TELO2: variants seen among roughly 807,000 people sequenced by gnomAD.
TELO2 encodes the protein telomere maintenance 2, also known as telomere length regulation protein TEL2 homolog.
Under a neutral mutation model 91.0 loss-of-function variants are expected in TELO2, and 71 were observed. That is an observed-to-expected ratio of 0.78 (90% CI 0.64 to 0.95). TELO2 has a LOEUF of 0.95. Ranked by LOEUF, TELO2 falls within the 40% of genes least tolerant of loss-of-function variation. The pLI, the probability that TELO2 is intolerant of heterozygous loss-of-function variation, is 0.00. For synonymous variants in TELO2, 584 were observed against 518.9 expected, an observed-to-expected ratio of 1.13 and a Z score of -1.71; for missense variants, 1,183 against 1,141.3, an observed-to-expected ratio of 1.04 and a Z score of -0.53.
rs376886978 is a variant in TELO2 at position 1,501,574 on chromosome 16, G to T, written c.1361+75G>T. The T allele has an allele frequency of 1.1e-4, 177 of 1,565,442 alleles. 2 individuals are homozygous for T. The highest frequency in any genetic ancestry group is 9.1e-4 in the East Asian group (40 of 44,184). The stretch of plus-strand genomic sequence containing the variant: ...CTGGATTCCGCTGCCGGGATGGGAG[G>T]GGGGAAACCCTTTCTTTCTGTCCTG... On this transcript the variant is annotated intron_variant, in intron 10 of 20. Transcript: ENST00000262319.
chr16:1,507,271 G>A (rs374453215), intron 18 of TELO2, 35 bp from the exon 19 acceptor site: 23 of 1,601,852 alleles, frequency 1.4e-5, no homozygotes, highest in African/African-American at 9.4e-5. Flanking sequence ...GGACGGCGTC[G>A]GGACCCCACT....
chr16:1,507,886 GTGTGTGTGATGT>G, intron 20 of TELO2, among the ~76,000 whole-genome samples, 170 bp downstream of exon 20: 1 of 94,108 alleles, frequency 1.1e-5, no homozygotes, highest in Admixed American at 1.0e-4. Context: ...GTGTGTGTGT[GTGTGTGTGATGT>G]GTGTCGGCCC....
At chr16:1,496,828 G>A (rs1008551802) in intron 3 of TELO2, among the ~76,000 whole-genome samples, 5 of 152,258 alleles carry the variant, frequency 3.3e-5, no homozygotes, top group Admixed American at 6.5e-5. Context: ...TAAGATGGGT[G>A]AAGGTTTGAA....
chr16:1,504,911 A>C (rs1222401997), intron 15 of TELO2, among the ~76,000 whole-genome samples: 1 of 151,966 alleles, frequency 6.6e-6, no homozygotes, highest in African/African-American at 2.4e-5. Flanking sequence ...ATCACCCCAG[A>C]GGGAAACCCC....
At chr16:1,508,383 A>T (rs1402071688) in intron 20 of TELO2, among the ~76,000 whole-genome samples, 1 of 152,194 alleles carries the variant, frequency 6.6e-6, no homozygotes, top group Admixed American at 6.5e-5. Flanking sequence ...CACCCGCCTC[A>T]GCCTCCCAAA....
intron 15 of TELO2, among the ~76,000 whole-genome samples, chr16:1,504,388 G>C (rs542286191): frequency 4.5e-5 from 6 of 134,492 alleles, no homozygotes; most frequent in Non-Finnish European, 9.4e-5. Flanking sequence ...GAGTCAAGAT[G>C]GCGCCACTGC....
At chr16:1,496,451 T>C (rs1445511278) in intron 3 of TELO2, among the ~76,000 whole-genome samples, 2 of 152,208 alleles carry the variant, frequency 1.3e-5, no homozygotes, top group African/African-American at 4.8e-5. Flanking sequence ...CATGGGCCCA[T>C]GTATTAAGGA....
rs775402011 is a variant in TELO2, at chr16:1,501,762, G to A, written c.1461G>A (p.Ser487=). Residue 487 remains serine, a synonymous_variant, in exon 11 of 21, where the codon TCG becomes TCA. Coordinates refer to ENST00000262319, the MANE Select transcript of TELO2 (RefSeq NM_016111.4). The part of the protein sequence containing the change: ...VPQAQLAGSD[S]DLDSDDEFVP... ...AAGCACAGCTGGCGGGCTCTGACTC[G>A]GACCTGGACAGGTAGGGGCTCTGCC... 1.5e-5 allele frequency: 24 copies of A among 1,608,868 alleles called. No individual in the cohort carries two copies. Among genetic ancestry groups the A allele is most frequent in the Admixed American group, 5.0e-5 (3 of 59,954 alleles).
rs375480231 is a variant in TELO2 at position 1,503,428 on chromosome 16, G to A, written c.1842+426G>A. 3.5e-4 allele frequency among the ~76,000 whole-genome samples: 54 copies of A among 152,282 alleles called. 1 individual carries two copies. The East Asian group carries it at 4.8e-3, about 14-fold the overall frequency. ...TAGCCAAGTGTGGTGGTGGGCGACT[G>A]TGGTCCCAGTTACTCGGGAGGCTGG... On this transcript the variant is annotated intron_variant, in intron 15 of 20. Coordinates refer to ENST00000262319, the MANE Select transcript of TELO2 (RefSeq NM_016111.4).
intron 14 of TELO2, 51 bp from the exon 15 acceptor site, chr16:1,502,880 C>T (rs746728086): frequency 5.9e-5 from 95 of 1,605,790 alleles, no homozygotes; most frequent in Admixed American, 1.0e-4. Context: ...GAGGTCGCCC[C>T]GGGTGGCCCT....
In TELO2 at chr16:1,501,402, C is replaced by T. The variant is rs748927769; in HGVS notation, c.1282-18C>T. On this transcript the variant is annotated intron_variant, in intron 9 of 20. Coordinates refer to ENST00000262319, the MANE Select transcript of TELO2 (RefSeq NM_016111.4). ...CTGCAGCCTGGCGGATGCCGCTGAG[C>T]CTGCTCCCCTGCTGTAGTACGAAGA... 1.2e-5 allele frequency: 19 copies of T among 1,610,880 alleles called. No homozygotes were observed. The highest frequency in any genetic ancestry group is 1.4e-5 in the Non-Finnish European group (17 of 1,179,166).
intron 3 of TELO2, among the ~76,000 whole-genome samples, chr16:1,496,512 C>G (rs910886471): frequency 2.6e-5 from 4 of 152,232 alleles, no homozygotes; most frequent in African/African-American, 9.6e-5. Flanking sequence ...TTCACGTGTT[C>G]GGGGTTGGCT....
At chr16:1,506,716 C>A in intron 17 of TELO2, 1 of 1,388,940 alleles carries the variant, frequency 7.2e-7, no homozygotes, top group Non-Finnish European at 9.3e-7. Flanking sequence ...TGTGCTGCAG[C>A]AGGGGTGGGG....
In TELO2 at chr16:1,497,557, C is replaced by T. The variant is rs1371315196; in HGVS notation, c.830+49C>T. On this transcript the variant is annotated intron_variant, in intron 5 of 20. Coordinates refer to ENST00000262319, the MANE Select transcript of TELO2 (RefSeq NM_016111.4). This position sits in a 1 kb window ranked among gnomAD's most constrained non-coding sequence, Gnocchi z 4.0. The stretch of plus-strand genomic sequence containing the variant: ...GCTGCACTGGCTTCTGGGGTCTGGA[C>T]CCCCAGAGGCTGCCATTCCTTCACG... The T allele has an allele frequency of 2.7e-6, 4 of 1,498,810 alleles. No homozygotes were observed. The highest frequency in any genetic ancestry group is 2.5e-5 in the East Asian group (1 of 40,164). The allele number at this position is 1,498,810 out of a possible 1,614,324, so 92.8% of individuals were successfully genotyped here. A position where few individuals can be genotyped will look rare whatever the true frequency, so the allele number is the denominator to read the frequency against.
Position 1,495,497 on chromosome 16 carries a change from C to A in TELO2, c.487C>A (p.Leu163Met). The change falls in exon 3 of 21, where the codon CTG (leucine) becomes ATG (methionine). Residue 163 changes from leucine to methionine, a missense_variant. Transcript: ENST00000262319. ...GACGCTGCTGGGCAAGGTGGTGGCC[C>A]TGCCCGATCACCTGGGCAACCGCCT... is the stretch of plus-strand genomic sequence containing the variant. Reference protein sequence around the residue: ...RETLLGKVVALPDHLGNRLQQ... With the variant: ...RETLLGKVVAMPDHLGNRLQQ... The A allele has an allele frequency of 6.2e-7, 1 of 1,611,016 alleles. No individual in the cohort carries two copies. The highest frequency in any genetic ancestry group is 8.5e-7 in the Non-Finnish European group (1 of 1,179,784).
intron 6 of TELO2, 48 bp from the exon 7 acceptor site, chr16:1,500,048 C>T (rs756986670): frequency 2.5e-6 from 4 of 1,576,172 alleles, no homozygotes; most frequent in Non-Finnish European, 3.4e-6. Context: ...CCCGGGCTGG[C>T]CAGGCGGCGG....
intron 20 of TELO2, 46 bp downstream of exon 20, chr16:1,507,762 G>T: frequency 7.1e-7 from 1 of 1,410,818 alleles, no homozygotes; most frequent in South Asian, 1.2e-5. Context: ...TGTCGGCCCG[G>T]GGTGTGTGTG....
Position 1,501,467 on chromosome 16 carries a change from C to T in TELO2, c.1329C>T (p.Pro443=). The T allele has an allele frequency of 6.2e-7, 1 of 1,611,782 alleles. No individual in the cohort carries two copies. Among genetic ancestry groups the T allele is most frequent in the Non-Finnish European group, 8.5e-7 (1 of 1,179,320 alleles). The part of the protein sequence containing the change: ...LSLELLALAS[P]QPAGDGASEA... ...TCGAGCTGCTGGCCTTGGCCTCCCC[C>T]CAGCCTGCGGGTGACGGCGCCTCGG... The change falls in exon 10 of 21, where the codon CCC becomes CCT. Residue 443 remains proline (P), a synonymous_variant. Coordinates refer to ENST00000262319, the MANE Select transcript of TELO2 (RefSeq NM_016111.4).
Position 1,495,386 on chromosome 16 carries a change from A to G in TELO2, c.376A>G (p.Arg126Gly). ...GATGAAGATGGCGCGGCTGCTGGCCAGATTCCTGCGCGAGGGCCGGCTGGC... is the reference window on the plus strand; with the variant it reads ...GATGAAGATGGCGCGGCTGCTGGCCGGATTCCTGCGCGAGGGCCGGCTGGC... ...RLMKMARLLA[R>G]FLREGRLAVL... Residue 126 changes from arginine (R) to glycine (G), a missense_variant, in exon 3 of 21, where the codon AGA becomes GGA. By Grantham distance (125) the Arg-to-Gly change is moderately radical. Coordinates refer to ENST00000262319, the MANE Select transcript of TELO2 (RefSeq NM_016111.4). The G allele has an allele frequency of 6.4e-7, 1 of 1,571,850 alleles. No homozygotes were observed. The highest frequency in any genetic ancestry group is 8.6e-7 in the Non-Finnish European group (1 of 1,159,486).
Sources: allele counts gnomAD v4.1 joint callset (sites outside exome capture counted in the v4.1 genomes callset), GRCh38; gene constraint gnomAD v4.1.1; non-coding constraint Gnocchi (gnomAD v3.1); transcripts MANE v1.5; gene names NCBI Gene and HGNC (gene_info 2026-07-23, HGNC 2026-07-21).